Variants in RNF150 observed in about 807,000 individuals in gnomAD.
RNF150 encodes the protein ring finger protein 150.
In RNF150, 24 loss-of-function variants were observed where a neutral mutation model predicts 39.3. The ratio of observed to expected loss-of-function variants is 0.61; its 90% confidence interval spans 0.44 to 0.86. The LOEUF is 0.86. Ranked by LOEUF, RNF150 falls within the 40% of genes least tolerant of loss-of-function variation. The probability of loss-of-function intolerance (pLI) is 0.00; values close to 1 mark genes in which losing one functional copy is unlikely to be tolerated. For synonymous variants in RNF150, 255 were observed against 227.3 expected (o/e 1.12, Z -1.10); for missense variants, 502 against 587.8 (o/e 0.85, Z 1.51).
upstream of RNF150, among the ~76,000 whole-genome samples, chr4:141,135,390 A>C (rs1295239170): frequency 6.6e-6 from 1 of 152,192 alleles, no homozygotes; most frequent in Non-Finnish European, 1.5e-5. Context: ...GAAAGTACAG[A>C]GTGAGCCCAT....
intron 1 of RNF150, among the ~76,000 whole-genome samples, chr4:141,054,422 C>T (rs1280803141): frequency 6.6e-6 from 1 of 151,966 alleles, no homozygotes. Flanking sequence ...TTTATTCTCC[C>T]TTAGCCCATA....
chr4:140,957,737 T>C (rs546734582), intron 2 of RNF150, among the ~76,000 whole-genome samples: 144 of 152,122 alleles, frequency 9.5e-4, no homozygotes, highest in African/African-American at 3.2e-3. Context: ...ATGATGAGTT[T>C]ATGTCCTTTG....
intron 1 of RNF150, among the ~76,000 whole-genome samples, chr4:141,149,868 C>T (rs1309305176): frequency 6.6e-6 from 1 of 152,136 alleles, no homozygotes; most frequent in Non-Finnish European, 1.5e-5. Flanking sequence ...TAAAAGTGTT[C>T]CTTTTCACCA....
intron 1 of RNF150, among the ~76,000 whole-genome samples, chr4:141,004,813 G>C (rs576733855): frequency 1.3e-5 from 2 of 152,188 alleles, no homozygotes; most frequent in African/African-American, 4.8e-5. Context: ...CAACTAGGAA[G>C]TTAACAGAAG....
At chr4:141,061,076 G>A (rs541453109) in intron 1 of RNF150, among the ~76,000 whole-genome samples, 33 of 151,830 alleles carry the variant, frequency 2.2e-4, no homozygotes, top group African/African-American at 7.7e-4. Flanking sequence ...ACCATGGCAC[G>A]TGTATACCTA....
At chr4:141,209,925 G>A (rs912652756) in intron 1 of RNF150, among the ~76,000 whole-genome samples, 4 of 152,050 alleles carry the variant, frequency 2.6e-5, no homozygotes, top group African/African-American at 9.7e-5. Context: ...GACTAAACAA[G>A]GATGCTCTGT....
chr4:140,912,959 T>TAAAAA (rs10616886), intron 5 of RNF150, among the ~76,000 whole-genome samples: 5 of 138,174 alleles, frequency 3.6e-5, no homozygotes, highest in African/African-American at 1.4e-4. Flanking sequence ...CATCAGAACA[T>TAAAAA]AAAAAAAAAA....
At chr4:141,153,475 C>T (rs2111144790) in intron 1 of RNF150, among the ~76,000 whole-genome samples, 1 of 152,168 alleles carries the variant, frequency 6.6e-6, no homozygotes, top group South Asian at 2.1e-4. Context: ...CAGAAGAAAC[C>T]AACCCTGCTG....
intron 1 of RNF150, among the ~76,000 whole-genome samples, chr4:140,987,190 C>T (rs1734044213): frequency 2.0e-5 from 3 of 152,036 alleles, no homozygotes; most frequent in Admixed American, 2.0e-4. Context: ...AACCATACTG[C>T]CCAAAGCAAC....
At chr4:141,096,258 G>A (rs1229834142) in intron 1 of RNF150, among the ~76,000 whole-genome samples, 1 of 137,516 alleles carries the variant, frequency 7.3e-6, no homozygotes, top group Non-Finnish European at 1.5e-5. Context: ...GTACAGTGGT[G>A]CAGTCTTGGC....
intron 1 of RNF150, among the ~76,000 whole-genome samples, chr4:140,975,902 A>T (rs1191503635): frequency 6.6e-6 from 1 of 152,144 alleles, no homozygotes; most frequent in Non-Finnish European, 1.5e-5. Context: ...CTTCTATGTC[A>T]TGAGTTCTCA....
intron 1 of RNF150, among the ~76,000 whole-genome samples, chr4:141,083,340 T>A (rs1347965765): frequency 1.3e-5 from 2 of 152,230 alleles, no homozygotes; most frequent in Non-Finnish European, 2.9e-5. Flanking sequence ...AAAAAATAAT[T>A]TGAATGACTC....
chr4:140,892,800 G>A (rs987295104), intron 6 of RNF150, among the ~76,000 whole-genome samples: 2 of 152,170 alleles, frequency 1.3e-5, no homozygotes, highest in Non-Finnish European at 2.9e-5. Context: ...TGTGGCTCAT[G>A]CCTGTAATCC....
intron 1 of RNF150, among the ~76,000 whole-genome samples, chr4:141,102,074 A>C (rs1347035198): frequency 6.6e-6 from 1 of 151,992 alleles, no homozygotes. Flanking sequence ...CAGCCACTGC[A>C]CCCAGCCAGC....
chr4:140,958,100 A>G (rs1263278823), intron 2 of RNF150, among the ~76,000 whole-genome samples: 4 of 152,208 alleles, frequency 2.6e-5, no homozygotes, highest in Non-Finnish European at 4.4e-5. Flanking sequence ...ACCACTACTT[A>G]CATAGTGTTT....
intron 2 of RNF150, among the ~76,000 whole-genome samples, chr4:140,950,011 C>T (rs1367618144): frequency 6.6e-6 from 1 of 152,172 alleles, no homozygotes; most frequent in Non-Finnish European, 1.5e-5. Context: ...AATAATATAT[C>T]ATTCTCTCCC....
At chr4:141,019,851 T>C (rs73849490) in intron 1 of RNF150, among the ~76,000 whole-genome samples, 3,922 of 152,234 alleles carry the variant, frequency 0.026, 140 homozygotes, top group African/African-American at 0.069. Context: ...CACGTAAACA[T>C]AGTTTAGCAG....
chr4:141,027,952 T>TTTTTTTTTTTTTTTG lies in RNF150; in HGVS notation c.485-60080_485-60079insCAAAAAAAAAAAAAA, dbSNP rs1553938684. ...TTTTTTTTTTTTTTTTTTTTTTTTT[T>TTTTTTTTTTTTTTTG]CAATCCTGCTGGATCAAGATGTATA... On this transcript the variant is annotated intron_variant, in intron 1 of 6. Coordinates refer to ENST00000515673, the MANE Select transcript of RNF150 (RefSeq NM_020724.2). Among the ~76,000 whole-genome samples the TTTTTTTTTTTTTTTG allele has an allele frequency of 3.5e-4, 25 of 71,616 alleles. 4 individuals are homozygous for TTTTTTTTTTTTTTTG. The highest frequency in any genetic ancestry group is 6.3e-4 in the East Asian group (2 of 3,162). The allele number at this position is 71,616 out of a possible 152,430, so 47.0% of individuals were successfully genotyped here.
intron 1 of RNF150, among the ~76,000 whole-genome samples, chr4:141,155,246 C>T (rs919631487): frequency 1.5e-5 from 2 of 137,476 alleles, no homozygotes; most frequent in African/African-American, 5.5e-5. Context: ...CCACCACACC[C>T]GGCTGATTTT....
Sources: allele counts gnomAD v4.1 joint callset (sites outside exome capture counted in the v4.1 genomes callset), GRCh38; gene constraint gnomAD v4.1.1; transcripts MANE v1.5; gene names NCBI Gene and HGNC (gene_info 2026-07-23, HGNC 2026-07-21).